The following PTTG1IP2 variants were observed in gnomAD, a reference collection of about 807,000 sequenced individuals.
PTTG1IP2 encodes PTTG1IP family member 2.
chr7:90,469,734 TAGCTGGTGCCTGCC>T lies in PTTG1IP2; in HGVS notation c.-50_-37del, dbSNP rs1797659264. 1.3e-5 allele frequency: 2 copies of T among 152,692 alleles called. No individual in the cohort carries two copies. Among genetic ancestry groups the T allele is most frequent in the Admixed American group, 1.3e-4 (2 of 15,278 alleles). The allele number at this position is 152,692 out of a possible 1,614,324, so 9.5% of individuals were successfully genotyped here. On this transcript the variant is annotated 5_prime_UTR_variant, in exon 1 of 7. Coordinates refer to ENST00000509356, the MANE Select transcript of PTTG1IP2 (RefSeq NM_001365443.2). The stretch of plus-strand genomic sequence containing the variant: ...GGGCGGGTCTCAGTGTCCAACACTG[TAGCTGGTGCCTGCC>T]AGGTTCCCAGTGGCTGGGGTCACCA...
intron 1 of PTTG1IP2, 119 bp from the exon 2 acceptor site, chr7:90,479,109 C>T (rs1797785641): frequency 6.6e-6 from 1 of 152,344 alleles, no homozygotes; most frequent in South Asian, 2.1e-4. Flanking sequence ...AAGTAAAATG[C>T]TGGGGTATGG....
At chr7:90,478,497 A>G (rs1797777722) in intron 1 of PTTG1IP2, among the ~76,000 whole-genome samples, 1 of 152,206 alleles carries the variant, frequency 6.6e-6, no homozygotes, top group African/African-American at 2.4e-5. Flanking sequence ...GCCACATCAG[A>G]TCTGCATCCA....
At position 90,492,670 on chromosome 7, in the gene PTTG1IP2, T is replaced by C. The variant is rs544864981; in HGVS notation, c.451+361T>C. On this transcript the variant is annotated intron_variant, in intron 5 of 6. Transcript: ENST00000509356. ...GGTAACCTCAATAGCTATACCAGGA[T>C]TGGTAAAATCACAATATTGATAAAG... Among the ~76,000 whole-genome samples the C allele has an allele frequency of 9.2e-5, 14 of 152,256 alleles. No individual in the cohort carries two copies. In the South Asian group the frequency reaches 2.9e-3, roughly 32 times the overall value.
At chr7:90,480,984 A>T (rs778120661) in intron 2 of PTTG1IP2, among the ~76,000 whole-genome samples, 1 of 152,170 alleles carries the variant, frequency 6.6e-6, no homozygotes, top group Non-Finnish European at 1.5e-5. Flanking sequence ...TTTTGTTCTT[A>T]TAAACTGATA....
chr7:90,494,863 A>T (rs1202449468), intron 6 of PTTG1IP2, among the ~76,000 whole-genome samples: 2 of 152,216 alleles, frequency 1.3e-5, no homozygotes, highest in Non-Finnish European at 2.9e-5. Flanking sequence ...ATAAAAAATT[A>T]GCTGGGCATG....
chr7:90,470,018 T>C (rs1797663017), intron 1 of PTTG1IP2, 87 bp downstream of exon 1: 2 of 152,590 alleles, frequency 1.3e-5, no homozygotes, highest in South Asian at 4.1e-4. Context: ...TGCACTGGAA[T>C]TTTCATCTCA....
intron 6 of PTTG1IP2, among the ~76,000 whole-genome samples, chr7:90,497,914 T>A (rs1798015196): frequency 2.0e-5 from 3 of 151,950 alleles, no homozygotes; most frequent in Admixed American, 6.6e-5. Flanking sequence ...GTTATTGAAG[T>A]CCCCTACTAT....
chr7:90,498,884 C>T (rs576569581), intron 6 of PTTG1IP2, among the ~76,000 whole-genome samples: 12 of 152,250 alleles, frequency 7.9e-5, no homozygotes, highest in African/African-American at 2.9e-4. Context: ...CAGGGTCTCG[C>T]TCTGTCAGCC....
At chr7:90,496,967 G>A (rs1002391960) in intron 6 of PTTG1IP2, among the ~76,000 whole-genome samples, 11 of 152,152 alleles carry the variant, frequency 7.2e-5, no homozygotes, top group African/African-American at 2.4e-4. Flanking sequence ...AGAGAATGTC[G>A]TTTAATTTCC....
chr7:90,474,331 T>A lies in PTTG1IP2; in HGVS notation c.145+4400T>A, dbSNP rs12334129. ...AAGATATAGTTATGCAGCACATGAC[T>A]AGTTATAGAGATATATATTATGACA... On this transcript the variant is annotated intron_variant, in intron 1 of 6. Coordinates refer to ENST00000509356, the MANE Select transcript of PTTG1IP2 (RefSeq NM_001365443.2). Among the ~76,000 whole-genome samples the A allele has an allele frequency of 7.1e-4, 108 of 152,350 alleles. 1 individual carries two copies. Among genetic ancestry groups the A allele is most frequent in the African/African-American group, 2.6e-3 (107 of 41,584 alleles).
chr7:90,490,780 C>T (rs528692298), intron 4 of PTTG1IP2, among the ~76,000 whole-genome samples: 1 of 152,268 alleles, frequency 6.6e-6, no homozygotes, highest in East Asian at 1.9e-4. Context: ...GTGGCAAATT[C>T]TGCCCATAAG....
intron 6 of PTTG1IP2, among the ~76,000 whole-genome samples, chr7:90,506,801 T>G (rs570430675): frequency 1.3e-5 from 2 of 152,328 alleles, no homozygotes; most frequent in Admixed American, 1.3e-4. Context: ...TTTTAAAATC[T>G]AATGGGTAAT....
chr7:90,471,055 T>A (rs1331641323), intron 1 of PTTG1IP2, among the ~76,000 whole-genome samples: 1 of 152,200 alleles, frequency 6.6e-6, no homozygotes, highest in Non-Finnish European at 1.5e-5. Flanking sequence ...AAGTTTCTGT[T>A]GCTAGCTAGC....
chr7:90,473,529 G>A (rs529397934), intron 1 of PTTG1IP2, among the ~76,000 whole-genome samples: 8 of 152,308 alleles, frequency 5.3e-5, no homozygotes, highest in Non-Finnish European at 7.3e-5. Flanking sequence ...TTATTCAAAG[G>A]AGGATGAATT....
At chr7:90,485,745 G>A (rs1797867270) in intron 2 of PTTG1IP2, among the ~76,000 whole-genome samples, 1 of 152,138 alleles carries the variant, frequency 6.6e-6, no homozygotes, top group Non-Finnish European at 1.5e-5. Flanking sequence ...CGCCTGTGGT[G>A]GACTTGGTTA....
chr7:90,511,877 A>G (rs1798194295), intron 6 of PTTG1IP2, among the ~76,000 whole-genome samples: 1 of 152,244 alleles, frequency 6.6e-6, no homozygotes, highest in African/African-American at 2.4e-5. Context: ...TTGTGGTGAT[A>G]CAATGAGCTA....
Position 90,486,535 on chromosome 7 carries a change from A to G in PTTG1IP2, c.193-792A>G, listed in dbSNP as rs140110722. ...ACCTCCCATAATGTTTTTCACCTTT[A>G]TGCCTTGCTTAAGGGACTTAGAATT... On this transcript the variant is annotated intron_variant, in intron 2 of 6. Transcript: ENST00000509356. 6.1e-3 allele frequency among the ~76,000 whole-genome samples: 537 copies of G among 88,332 alleles called. 4 individuals carry two copies. The highest frequency in any genetic ancestry group is 0.013 in the Admixed American group (91 of 6,886). The allele number at this position is 88,332 out of a possible 152,430, so 57.9% of individuals were successfully genotyped here.
intron 6 of PTTG1IP2, among the ~76,000 whole-genome samples, chr7:90,508,263 CAA>C (rs5885728): frequency 4.3e-4 from 33 of 76,858 alleles, no homozygotes; most frequent in Non-Finnish European, 5.4e-4. Flanking sequence ...GAACTCGTCT[CAA>C]AAAAAAAAAA....
chr7:90,481,758 C>T (rs1480059832), intron 2 of PTTG1IP2, among the ~76,000 whole-genome samples: 1 of 151,908 alleles, frequency 6.6e-6, no homozygotes, highest in African/African-American at 2.4e-5. Context: ...TTATGTTCAC[C>T]TTCCCCTTGT....
Sources: gnomAD v4.1 joint callset for allele counts (sites outside exome capture counted in the v4.1 genomes callset) on GRCh38, gnomAD v4.1.1 for gene constraint, MANE v1.5 for transcripts, NCBI Gene and HGNC (gene_info 2026-07-23, HGNC 2026-07-21) for gene names.